Variants in SRGAP3 observed in about 807,000 individuals in gnomAD.
SRGAP3 encodes SLIT-ROBO Rho GTPase-activating protein 3.
A neutral mutation model predicts 121.1 loss-of-function variants in SRGAP3; 39 were observed. The ratio of observed to expected loss-of-function variants is 0.32; its 90% CI spans 0.25 to 0.42. The LOEUF (loss-of-function observed/expected upper bound fraction) is 0.42. Ranked by LOEUF, SRGAP3 falls within the 10% of genes least tolerant of loss-of-function variation. The pLI, the probability that SRGAP3 is intolerant of heterozygous loss-of-function variation, is 1.00. For synonymous variants in SRGAP3, 601 were observed against 570.0 expected (o/e 1.05, Z -0.77); for missense variants, 1,213 against 1,470.6 (o/e 0.82, Z 2.86).
At chr3:9,199,648 G>A (rs372469074) in intron 1 of SRGAP3, among the ~76,000 whole-genome samples, 2 of 152,084 alleles carry the variant, frequency 1.3e-5, no homozygotes, top group Non-Finnish European at 2.9e-5. Context: ...GATCATTTTC[G>A]AGAGCATGGG....
chr3:9,331,447 A>C (rs1203272715), intron 1 of SRGAP3, among the ~76,000 whole-genome samples: 1 of 152,170 alleles, frequency 6.6e-6, no homozygotes, highest in Non-Finnish European at 1.5e-5. Flanking sequence ...TAAATACATA[A>C]AGACTCAGCT....
chr3:9,306,978 T>G (rs1955171179), intron 3 of SRGAP3, among the ~76,000 whole-genome samples: 1 of 152,182 alleles, frequency 6.6e-6, no homozygotes, highest in Admixed American at 6.5e-5. Flanking sequence ...TGTATGACTT[T>G]TTTTTCTTTT....
intron 1 of SRGAP3, among the ~76,000 whole-genome samples, chr3:9,335,097 T>C (rs1193671790): frequency 6.6e-6 from 1 of 152,238 alleles, no homozygotes; most frequent in Non-Finnish European, 1.5e-5. Flanking sequence ...ACATTAACAA[T>C]GTATATTACT....
At chr3:9,087,994 G>A (rs933033408) in intron 3 of SRGAP3, among the ~76,000 whole-genome samples, 6 of 152,276 alleles carry the variant, frequency 3.9e-5, no homozygotes, top group East Asian at 1.9e-4. Context: ...ACTCAAAGGC[G>A]TTCTTTCTAT....
intron 18 of SRGAP3, among the ~76,000 whole-genome samples, chr3:9,009,731 T>C (rs1943264202): frequency 6.6e-6 from 1 of 150,494 alleles, no homozygotes; most frequent in East Asian, 1.9e-4. Context: ...TGACTGGCCT[T>C]TCTCTCTCTC....
At chr3:9,177,310 C>T (rs553945258) in intron 1 of SRGAP3, among the ~76,000 whole-genome samples, 4 of 152,178 alleles carry the variant, frequency 2.6e-5, no homozygotes, top group East Asian at 1.9e-4. Flanking sequence ...GTTGAAATTG[C>T]GATGAAGAGG....
intron 10 of SRGAP3, 145 bp from the exon 11 acceptor site, chr3:9,038,235 A>G (rs1944858830): frequency 3.6e-6 from 4 of 1,102,534 alleles, no homozygotes; most frequent in Non-Finnish European, 5.3e-6. Context: ...CGGTCTGTTG[A>G]AAAGAACTGC....
At chr3:9,114,325 A>G (rs1267067259) in intron 2 of SRGAP3, among the ~76,000 whole-genome samples, 1 of 152,188 alleles carries the variant, frequency 6.6e-6, no homozygotes, top group African/African-American at 2.4e-5. Flanking sequence ...TATTGTCATT[A>G]CCATTATTAC....
intron 1 of SRGAP3, among the ~76,000 whole-genome samples, chr3:9,132,085 C>CT (rs1220210123): frequency 3.3e-5 from 5 of 151,578 alleles, no homozygotes; most frequent in African/African-American, 4.9e-5. Flanking sequence ...TCAGATCAGT[C>CT]TTTTTTTTTA....
intron 1 of SRGAP3, among the ~76,000 whole-genome samples, chr3:9,224,578 G>T (rs747736811): frequency 2.0e-5 from 3 of 152,156 alleles, no homozygotes; most frequent in Non-Finnish European, 4.4e-5. Flanking sequence ...ATATCTGTGG[G>T]AGAAAGGCCC....
At chr3:9,087,247 G>A (rs1947543091) in intron 3 of SRGAP3, among the ~76,000 whole-genome samples, 1 of 152,068 alleles carries the variant, frequency 6.6e-6, no homozygotes, top group Non-Finnish European at 1.5e-5. Context: ...CTGTGAGCAT[G>A]AAAAGAGATA....
chr3:9,002,314 G>A (rs986949068), intron 18 of SRGAP3, among the ~76,000 whole-genome samples: 1 of 151,964 alleles, frequency 6.6e-6, no homozygotes, highest in East Asian at 1.9e-4. Flanking sequence ...CTGACAAATA[G>A]GCAAAAATTA....
Position 8,985,996 on chromosome 3 carries a change from G to A in SRGAP3, c.2887-64C>T. On this transcript the variant is annotated intron_variant, in intron 21 of 21. Transcript: ENST00000383836. This position sits in a 1 kb window ranked among gnomAD's most constrained non-coding sequence, Gnocchi z 5.1. ...ACCTGGAGTCAGGTCCTTCCTGTCT[G>A]CTAAGCAGCTTCCCTTCGTAGGCAG... 1 of 1,597,806 alleles carries A rather than the reference G, an allele frequency of 6.3e-7. No individual in the cohort carries two copies. The highest frequency in any genetic ancestry group is 1.3e-5 in the African/African-American group (1 of 74,992).
Position 8,991,349 on chromosome 3 carries a change from A to G in SRGAP3, c.2559-510T>C, listed in dbSNP as rs190458756. Among the ~76,000 whole-genome samples the G allele has an allele frequency of 2.1e-3, 321 of 152,218 alleles. 1 individual carries two copies. The highest frequency in any genetic ancestry group is 7.0e-3 in the African/African-American group (289 of 41,528). ...CTCTAACGTTGCCACCCAACCCCCAATCTCCCCAGAAGAGGGCTCCTTCTG... is the reference window on the plus strand; with the variant it reads ...CTCTAACGTTGCCACCCAACCCCCAGTCTCCCCAGAAGAGGGCTCCTTCTG... On this transcript the variant is annotated intron_variant, in intron 20 of 21. Coordinates refer to ENST00000383836, the MANE Select transcript of SRGAP3 (RefSeq NM_014850.4).
At position 9,124,840 on chromosome 3, in the gene SRGAP3, G is replaced by A. The variant is rs763204866; in HGVS notation, c.145C>T (p.Leu49Phe). ...SESRLQLLQD[L>F]QEFFRRKAEI... ...GCTTTCCGGCGGAAAAACTCCTGGA[G>A]GTCTTGAAGCAGCTGCAGTCGCGAC... Residue 49 changes from leucine to phenylalanine, a missense_variant, in exon 2 of 22, where the codon CTC becomes TTC. By Grantham distance (22) the Leu-to-Phe change is conservative (BLOSUM62 0). Coordinates refer to ENST00000383836, the MANE Select transcript of SRGAP3 (RefSeq NM_014850.4). The A allele has an allele frequency of 1.2e-6, 2 of 1,614,228 alleles. No homozygotes were observed. Among genetic ancestry groups the A allele is most frequent in the Non-Finnish European group, 1.7e-6 (2 of 1,180,042 alleles).
intron 10 of SRGAP3, among the ~76,000 whole-genome samples, chr3:9,047,016 TAG>T (rs1390812878): frequency 6.6e-6 from 1 of 152,148 alleles, no homozygotes; most frequent in South Asian, 2.1e-4. Flanking sequence ...ATTTTTTTAG[TAG>T]AGACGGGGTT....
intron 1 of SRGAP3, among the ~76,000 whole-genome samples, chr3:9,141,553 GGTGTGTGTGTGTGTGTGTGT>G (rs3067669): frequency 1.2e-4 from 17 of 138,394 alleles, no homozygotes; most frequent in South Asian, 4.8e-4. Flanking sequence ...TGACTTCAGG[GGTGTGTGTGTGTGTGTGTGT>G]GTGTGTGTGT....
chr3:9,184,037 G>A (rs116490751), intron 1 of SRGAP3, among the ~76,000 whole-genome samples: 5,554 of 152,134 alleles, frequency 0.037, 169 homozygotes, highest in Non-Finnish European at 0.058. Flanking sequence ...GCTTTCGGGG[G>A]CCCTTTGAAA....
intron 1 of SRGAP3, among the ~76,000 whole-genome samples, chr3:9,357,219 T>G (rs2030562832): frequency 1.3e-5 from 2 of 152,192 alleles, no homozygotes. Context: ...CACTCCAGCC[T>G]GGGCAACAGA....
Sources: allele counts gnomAD v4.1 joint callset (sites outside exome capture counted in the v4.1 genomes callset), GRCh38; gene constraint gnomAD v4.1.1; non-coding constraint Gnocchi (gnomAD v3.1); transcripts MANE v1.5; gene names NCBI Gene and HGNC (gene_info 2026-07-23, HGNC 2026-07-21).